PCNT: variants seen among roughly 807,000 people sequenced by gnomAD.
PCNT encodes the protein kendrin.
In PCNT, 319 loss-of-function variants were observed where a neutral mutation model predicts 380.4. The observed-to-expected ratio is 0.84, with a 90% CI of 0.77 to 0.92. The LOEUF (loss-of-function observed/expected upper bound fraction) is 0.92, where lower values mean the gene tolerates loss of function less well. Among genes scored for constraint, PCNT ranks in the 40% least tolerant of loss-of-function variants. The probability of loss-of-function intolerance (pLI) is 0.00; values close to 1 mark genes in which losing one functional copy is unlikely to be tolerated. For missense variants in PCNT, 4,400 were observed against 4,255.3 expected (o/e 1.03, Z -0.95); for synonymous variants, 1,845 against 1,735.2 (o/e 1.06, Z -1.57).
chr21:46,412,881 C>T lies in PCNT; in HGVS notation c.6039C>T (p.Leu2013=). Residue 2013 remains leucine, a synonymous_variant, in exon 29 of 47, where the codon CTC becomes CTT. Transcript: ENST00000359568. ...PVLVTLKDAP[L]CKQEGVMSVL... ...TGGTGACGTTGAAGGATGCACCTCT[C>T]TGCAAGCAAGAAGGCGTGATGTCAG... is the stretch of plus-strand genomic sequence containing the variant. 6.2e-7 allele frequency: 1 copy of T among 1,612,892 alleles called. No homozygotes were observed. Among genetic ancestry groups the T allele is most frequent in the Admixed American group, 1.7e-5 (1 of 60,036 alleles).
rs371302498 is a variant in PCNT, at chr21:46,416,391, G to A, written c.6473G>A (p.Gly2158Asp). 2 of 1,614,156 alleles carry A rather than the reference G, an allele frequency of 1.2e-6. No homozygotes were observed. The highest frequency in any genetic ancestry group is 2.7e-5 in the African/African-American group (2 of 75,036). ...TGTGATGCCAATACAACCCCAGGGG[G>A]TGTAACTGATGTTATCAAAAATTGG... is the stretch of plus-strand genomic sequence containing the variant. ...DACDANTTPG[G>D]VTDVIKNWDS... Residue 2158 changes from glycine to aspartate, a missense_variant, in exon 30 of 47, where the codon GGT becomes GAT. By Grantham distance (94) the Gly-to-Asp change is moderately conservative. Coordinates refer to ENST00000359568, the MANE Select transcript of PCNT (RefSeq NM_006031.6).
chr21:46,440,804 A>G, intron 42 of PCNT, 51 bp from the exon 43 acceptor site: 1 of 1,116,398 alleles, frequency 9.0e-7, no homozygotes, highest in South Asian at 1.2e-5. Flanking sequence ...TTTTGTCAGC[A>G]AGACAGTCTT....
At chr21:46,377,140 T>C (rs1395121606) in intron 15 of PCNT, among the ~76,000 whole-genome samples, 3 of 152,222 alleles carry the variant, frequency 2.0e-5, no homozygotes, top group African/African-American at 7.2e-5. Flanking sequence ...TCCATGTGTT[T>C]ATTGAAACTG....
At chr21:46,342,372 G>A (rs2083932739) in intron 3 of PCNT, among the ~76,000 whole-genome samples, 1 of 152,070 alleles carries the variant, frequency 6.6e-6, no homozygotes, top group Admixed American at 6.6e-5. Context: ...CTCCCAAAGT[G>A]CTGTGATTAC....
chr21:46,414,914 C>T lies in PCNT; in HGVS notation c.6151-1155C>T, dbSNP rs373814801. Reference sequence around the variant, plus strand: ...CTGCTCTTCCTCCTCCCCCTCCTCCCTGCTGTTTGCTAAATGTGCCCCAAC... The same window carrying T: ...CTGCTCTTCCTCCTCCCCCTCCTCCTTGCTGTTTGCTAAATGTGCCCCAAC... On this transcript the variant is annotated intron_variant, in intron 29 of 46. Transcript: ENST00000359568. 3.3e-5 allele frequency among the ~76,000 whole-genome samples: 5 copies of T among 152,356 alleles called. No homozygotes were observed. In the East Asian group the frequency reaches 7.7e-4, roughly 24 times the overall value.
intron 30 of PCNT, 34 bp downstream of exon 30, chr21:46,416,873 C>G (rs370935598): frequency 6.3e-7 from 1 of 1,594,332 alleles, no homozygotes; most frequent in South Asian, 1.1e-5. Context: ...GCCTGCTGTT[C>G]CCGTGGGAAT....
rs370664761 is a variant in PCNT, at chr21:46,411,928, C to T, written c.5855C>T (p.Ala1952Val). The T allele has an allele frequency of 9.1e-5, 145 of 1,591,626 alleles. 1 individual carries two copies. The African/African-American group carries it at 1.8e-3, about 19-fold the overall frequency. The change falls in exon 28 of 47, where the codon GCC becomes GTC. Residue 1952 changes from alanine (A) to valine (V), a missense_variant. Transcript: ENST00000359568. ...RCQVELDRRQ[A>V]RRATAHTRVP... ...CAGGTGGAGCTGGACAGGCGGCAGG[C>T]CCGCAGAGCCACAGCTCACACACGG...
intron 21 of PCNT, among the ~76,000 whole-genome samples, chr21:46,392,756 G>A (rs1326771969): frequency 6.6e-6 from 1 of 152,130 alleles, no homozygotes; most frequent in African/African-American, 2.4e-5. Flanking sequence ...CTATGACTGT[G>A]CCCACACTTT....
At chr21:46,324,792 C>G (rs1463764900) in intron 1 of PCNT, 57 of 805,586 alleles carry the variant, frequency 7.1e-5, no homozygotes, top group Non-Finnish European at 8.3e-5. Flanking sequence ...CCTGCGCGGC[C>G]GGGGCCGGGG....
intron 37 of PCNT, 149 bp from the exon 38 acceptor site, chr21:46,431,376 CAAAA>C (rs1428451098): frequency 4.8e-6 from 7 of 1,472,810 alleles, no homozygotes; most frequent in African/African-American, 1.4e-5. Flanking sequence ...GATGAACTAA[CAAAA>C]AAATGTTGTC....
At chr21:46,334,318 A>G (rs138125797) in intron 2 of PCNT, 79 bp from the exon 3 acceptor site, 192 of 1,601,832 alleles carry the variant, frequency 1.2e-4, no homozygotes, top group East Asian at 4.7e-4. Flanking sequence ...AGGCCTGCAG[A>G]TAGAGGAGCT....
chr21:46,436,242 G>GGATGACGAAGACCACGGCATTCTAA, intron 39 of PCNT, 94 bp downstream of exon 39: 2 of 1,430,154 alleles, frequency 1.4e-6, no homozygotes, highest in Non-Finnish European at 1.9e-6. Context: ...CTGGTGTGAG[G>GGATGACGAAGACCACGGCATTCTAA]CCCCTGCTCC....
At position 46,433,064 on chromosome 21, in the gene PCNT, C is replaced by T. The variant is rs554806567; in HGVS notation, c.8751+849C>T. On this transcript the variant is annotated intron_variant, in intron 38 of 46. Transcript: ENST00000359568. Reference sequence around the variant, plus strand: ...TCACTCAGGCTGGAGTGCAGTGGCACGAACTCAACAATGTTGAATAGAAGG... The same window carrying T: ...TCACTCAGGCTGGAGTGCAGTGGCATGAACTCAACAATGTTGAATAGAAGG... 1.7e-4 allele frequency among the ~76,000 whole-genome samples: 26 copies of T among 152,246 alleles called. No homozygotes were observed. In the South Asian group the frequency reaches 3.9e-3, roughly 23 times the overall value.
rs370805686 is a variant in PCNT, at chr21:46,424,922, T to G, written c.7180-909T>G. Among the ~76,000 whole-genome samples, 14 of 152,348 alleles carry G rather than the reference T, an allele frequency of 9.2e-5. No individual in the cohort carries two copies. The East Asian group carries it at 1.5e-3, about 17-fold the overall frequency. ...TGCAATTTGGTTTCACACTTTAGTG[T>G]TAATATTTGACCTTTTTTGGCATAT... On this transcript the variant is annotated intron_variant, in intron 32 of 46. Coordinates refer to ENST00000359568, the MANE Select transcript of PCNT (RefSeq NM_006031.6).
At chr21:46,360,291 C>T (rs1181688614) in intron 13 of PCNT, among the ~76,000 whole-genome samples, 10 of 139,190 alleles carry the variant, frequency 7.2e-5, no homozygotes, top group Admixed American at 2.3e-4. Flanking sequence ...GGCACGATCT[C>T]GGCTCACTGC....
Position 46,445,669 on chromosome 21 carries a change from TGTTTA to T in PCNT, c.*343_*347del. The T allele has an allele frequency of 3.3e-6, 1 of 303,926 alleles. No homozygotes were observed. Among genetic ancestry groups the T allele is most frequent in the Non-Finnish European group, 6.0e-6 (1 of 166,872 alleles). 18.8% of individuals were successfully genotyped at this position (303,926 alleles called of 1,614,324 possible). A position where few individuals can be genotyped will look rare whatever the true frequency, so the allele number is the denominator to read the frequency against. On this transcript the variant is annotated 3_prime_UTR_variant, in exon 47 of 47. Transcript: ENST00000359568. ...CACAGAGAATGGCTTCCTGTTGTTT[TGTTTA>T]TTTTCTTAACGTGTACAGATGGAAA... is the stretch of plus-strand genomic sequence containing the variant.
intron 41 of PCNT, 113 bp from the exon 42 acceptor site, chr21:46,439,970 C>A: frequency 7.7e-7 from 1 of 1,300,210 alleles, no homozygotes; most frequent in Non-Finnish European, 1.1e-6. Flanking sequence ...GTGGTGTGGT[C>A]AGCCTGGCCT....
intron 3 of PCNT, among the ~76,000 whole-genome samples, chr21:46,344,463 C>T (rs897932851): frequency 1.3e-5 from 2 of 152,234 alleles, no homozygotes; most frequent in African/African-American, 2.4e-5. Flanking sequence ...CCTTGTGGAG[C>T]CCACCATGCC....
chr21:46,324,639 T>G (rs931654288), intron 1 of PCNT, among the ~76,000 whole-genome samples: 2 of 150,314 alleles, frequency 1.3e-5, no homozygotes, highest in African/African-American at 4.9e-5. Flanking sequence ...TACAGGGGCG[T>G]GGCGTGGCTG....
Sources: allele counts gnomAD v4.1 joint callset (sites outside exome capture counted in the v4.1 genomes callset), GRCh38; gene constraint gnomAD v4.1.1; transcripts MANE v1.5; gene names NCBI Gene and HGNC (gene_info 2026-07-23, HGNC 2026-07-21).